MYZAP: variants seen among roughly 807,000 people sequenced by gnomAD.
The protein encoded by MYZAP is myocardial zonula adherens protein.
A neutral mutation model predicts 69.4 loss-of-function variants in MYZAP; 66 were observed. The ratio of observed to expected loss-of-function variants is 0.95; its 90% CI spans 0.78 to 1.17. MYZAP has a LOEUF of 1.17. MYZAP is among the 50% of genes most tolerant of loss of function. The pLI, the probability that MYZAP is intolerant of heterozygous loss-of-function variation, is 0.00. For missense variants in MYZAP, 611 were observed against 556.2 expected, an observed-to-expected ratio of 1.10 and a Z score of -0.99; for synonymous variants, 256 against 205.9, an observed-to-expected ratio of 1.24 and a Z score of -2.09.
In MYZAP at chr15:57,603,677, A is replaced by G. The variant is rs117871403; in HGVS notation, c.76-592A>G. ...TGTGTCAGAATTTCCTTCCTTTTTA[A>G]TATTGGGTAATATTCCATTGTATGT... On this transcript the variant is annotated intron_variant, in intron 1 of 12. Coordinates refer to ENST00000267853, the MANE Select transcript of MYZAP (RefSeq NM_001018100.5). Among the ~76,000 whole-genome samples the G allele has an allele frequency of 7.9e-3, 1,200 of 152,214 alleles. 12 individuals are homozygous for G. The highest frequency in any genetic ancestry group is 0.042 in the South Asian group (201 of 4,810).
At chr15:57,639,160 AT>A (rs550902488) in intron 9 of MYZAP, among the ~76,000 whole-genome samples, 2 of 150,556 alleles carry the variant, frequency 1.3e-5, no homozygotes, top group Non-Finnish European at 3.0e-5. Flanking sequence ...ATTTACGTTT[AT>A]TTTTTTACCA....
intron 3 of MYZAP, among the ~76,000 whole-genome samples, chr15:57,621,211 T>C (rs1396787641): frequency 1.4e-5 from 2 of 146,594 alleles, no homozygotes; most frequent in South Asian, 2.1e-4. Flanking sequence ...TTTTCTTTTT[T>C]TTTTTTTTTT....
At chr15:57,595,277 A>T (rs1171364026) in intron 1 of MYZAP, among the ~76,000 whole-genome samples, 1 of 152,244 alleles carries the variant, frequency 6.6e-6, no homozygotes, top group Non-Finnish European at 1.5e-5. Context: ...GCCAACCAGC[A>T]GAAGTTGTGA....
chr15:57,671,971 G>C (rs2038889671), intron 11 of MYZAP, among the ~76,000 whole-genome samples: 1 of 152,128 alleles, frequency 6.6e-6, no homozygotes, highest in African/African-American at 2.4e-5. Flanking sequence ...TGAGTGCTTT[G>C]TTGGGTTCTT....
intron 4 of MYZAP, among the ~76,000 whole-genome samples, chr15:57,623,053 G>T (rs1036742988): frequency 6.6e-6 from 1 of 152,156 alleles, no homozygotes; most frequent in Non-Finnish European, 1.5e-5. Context: ...TATACTAAAG[G>T]AAAGATGGAG....
intron 10 of MYZAP, among the ~76,000 whole-genome samples, chr15:57,643,534 A>G (rs563381297): frequency 6.6e-6 from 1 of 152,260 alleles, no homozygotes; most frequent in African/African-American, 2.4e-5. Context: ...TGACTTCTTC[A>G]GTCCACAGAG....
chr15:57,603,192 G>T (rs539015280), intron 1 of MYZAP, among the ~76,000 whole-genome samples: 8 of 152,252 alleles, frequency 5.3e-5, no homozygotes, highest in Non-Finnish European at 1.2e-4. Flanking sequence ...TATTCATGGT[G>T]ACATAGCTAA....
intron 3 of MYZAP, among the ~76,000 whole-genome samples, chr15:57,619,202 C>G (rs1276033900): frequency 6.6e-6 from 1 of 152,012 alleles, no homozygotes; most frequent in South Asian, 2.1e-4. Context: ...TTAAAAGGAA[C>G]ATTTCTTGTT....
intron 11 of MYZAP, among the ~76,000 whole-genome samples, chr15:57,666,129 C>T (rs1394042392): frequency 3.3e-5 from 5 of 152,226 alleles, no homozygotes; most frequent in Admixed American, 3.3e-4. Flanking sequence ...TCGGTTCTGA[C>T]TCACATTCTG....
intron 2 of MYZAP, among the ~76,000 whole-genome samples, chr15:57,609,082 T>C (rs1171134860): frequency 6.6e-6 from 1 of 152,212 alleles, no homozygotes; most frequent in Non-Finnish European, 1.5e-5. Context: ...GGTATAGATA[T>C]ATATTTTTGC....
At chr15:57,648,525 T>C in intron 10 of MYZAP, 1 of 973,172 alleles carries the variant, frequency 1.0e-6, no homozygotes, top group Non-Finnish European at 1.2e-6. Context: ...AAGGTATTAT[T>C]CGCCCAGTTT....
At chr15:57,633,838 C>T in intron 8 of MYZAP, 97 bp downstream of exon 8, 2 of 1,298,418 alleles carry the variant, frequency 1.5e-6, no homozygotes, top group Non-Finnish European at 2.0e-6. Context: ...TTCCTCTCAC[C>T]TCCAAAATTT....
intron 11 of MYZAP, among the ~76,000 whole-genome samples, chr15:57,667,205 G>C (rs1355566634): frequency 6.6e-6 from 1 of 152,148 alleles, no homozygotes; most frequent in Non-Finnish European, 1.5e-5. Flanking sequence ...TGTTGGAGCG[G>C]CAGCACCAGG....
chr15:57,656,954 C>T (rs1206865973), intron 10 of MYZAP, among the ~76,000 whole-genome samples: 1 of 152,162 alleles, frequency 6.6e-6, no homozygotes, highest in Non-Finnish European at 1.5e-5. Flanking sequence ...AACCAAGTGT[C>T]TCTCCAGACT....
chr15:57,662,601 C>T (rs1245381773), intron 11 of MYZAP, among the ~76,000 whole-genome samples: 1 of 152,122 alleles, frequency 6.6e-6, no homozygotes, highest in Non-Finnish European at 1.5e-5. Context: ...ATAGAAGGTG[C>T]CTGGCATGTA....
intron 11 of MYZAP, among the ~76,000 whole-genome samples, chr15:57,669,811 A>G (rs2140596177): frequency 6.6e-6 from 1 of 152,258 alleles, no homozygotes; most frequent in African/African-American, 2.4e-5. Flanking sequence ...CTTCACCTGC[A>G]TCTCACAAGC....
At chr15:57,622,383 A>G (rs1293689959) in intron 4 of MYZAP, among the ~76,000 whole-genome samples, 1 of 152,142 alleles carries the variant, frequency 6.6e-6, no homozygotes, top group South Asian at 2.1e-4. Flanking sequence ...AAAAAGACCA[A>G]CAGGTTTTGT....
intron 10 of MYZAP, chr15:57,647,653 T>G (rs2037509774): frequency 1.0e-6 from 1 of 985,314 alleles, no homozygotes; most frequent in African/African-American, 1.7e-5. Context: ...GGCCTTATTC[T>G]GGAGCAGATA....
At position 57,675,271 on chromosome 15, in the gene MYZAP, A is replaced by T. The variant is rs572884565; in HGVS notation, c.1304+203A>T. On this transcript the variant is annotated intron_variant, in intron 12 of 12. Coordinates refer to ENST00000267853, the MANE Select transcript of MYZAP (RefSeq NM_001018100.5). ...GGGTGGAGGGGTCAGCAAAGGAGAG[A>T]CCTGGGGAAGCCATTTAGAGAGAGA... is the stretch of plus-strand genomic sequence containing the variant. 3.9e-5 allele frequency among the ~76,000 whole-genome samples: 6 copies of T among 152,198 alleles called. No homozygotes were observed. The South Asian group carries it at 6.2e-4, about 16-fold the overall frequency.
Sources: gnomAD v4.1 joint callset for allele counts (sites outside exome capture counted in the v4.1 genomes callset) on GRCh38, gnomAD v4.1.1 for gene constraint, MANE v1.5 for transcripts, NCBI Gene and HGNC (gene_info 2026-07-23, HGNC 2026-07-21) for gene names.